FLT3: variants seen among roughly 807,000 people sequenced by gnomAD.
The protein encoded by FLT3 is receptor-type tyrosine-protein kinase FLT3.
FLT3 carries 46 observed loss-of-function variants against 126.6 expected under a neutral mutation model. The ratio of observed to expected loss-of-function variants is 0.36; its 90% confidence interval spans 0.29 to 0.46. The LOEUF (loss-of-function observed/expected upper bound fraction) is 0.46, where lower values mean the gene tolerates loss of function less well. FLT3 is among the 20% of genes least tolerant of loss of function. The pLI, the probability that FLT3 is intolerant of heterozygous loss-of-function variation, is 1.00. For synonymous variants in FLT3, 404 were observed against 434.4 expected (o/e 0.93, Z 0.87); for missense variants, 1,069 against 1,190.3 (o/e 0.90, Z 1.50).
intron 1 of FLT3, among the ~76,000 whole-genome samples, chr13:28,092,545 C>A (rs565251034): frequency 2.3e-4 from 35 of 151,952 alleles, no homozygotes; most frequent in Non-Finnish European, 2.6e-4. Context: ...ATTTTGACTA[C>A]TTGATAATTC....
At chr13:28,084,876 G>A (rs1042726885) in intron 1 of FLT3, among the ~76,000 whole-genome samples, 3 of 151,570 alleles carry the variant, frequency 2.0e-5, no homozygotes, top group East Asian at 1.9e-4. Context: ...TCGGGAGGCT[G>A]AGGCAGGAGA....
intron 1 of FLT3, among the ~76,000 whole-genome samples, chr13:28,085,163 T>TTTAGTA (rs1466838299): frequency 6.6e-6 from 1 of 151,060 alleles, no homozygotes; most frequent in Non-Finnish European, 1.5e-5. Flanking sequence ...GCCAACGTGG[T>TTTAGTA]GAAACCCTGT....
At chr13:28,062,176 G>T in intron 2 of FLT3, 107 bp from the exon 3 acceptor site, 1 of 750,250 alleles carries the variant, frequency 1.3e-6, no homozygotes, top group Non-Finnish European at 2.3e-6. Context: ...CACACTGCAC[G>T]CAACACCCAC....
At chr13:28,067,305 G>A (rs934781910) in intron 2 of FLT3, among the ~76,000 whole-genome samples, 10 of 152,196 alleles carry the variant, frequency 6.6e-5, no homozygotes, top group African/African-American at 2.2e-4. Context: ...TTACAGGCGT[G>A]AGCCACCGTG....
Position 28,008,677 on chromosome 13 carries a change from C to T in FLT3, c.2860-4503G>A, listed in dbSNP as rs577572655. ...TCTTTTTAGTAGAGACGGGGTTTCACCAGGTTGGCCAGGCTGGTCTCGAAC... is the reference window on the plus strand; with the variant it reads ...TCTTTTTAGTAGAGACGGGGTTTCATCAGGTTGGCCAGGCTGGTCTCGAAC... On this transcript the variant is annotated intron_variant, in intron 23 of 23. Coordinates refer to ENST00000241453, the MANE Select transcript of FLT3 (RefSeq NM_004119.3). Among the ~76,000 whole-genome samples the T allele has an allele frequency of 2.2e-4, 33 of 151,690 alleles. No homozygotes were observed. In the East Asian group the frequency reaches 5.9e-3, roughly 27 times the overall value.
chr13:28,075,514 C>T (rs570995048), intron 1 of FLT3, among the ~76,000 whole-genome samples: 13 of 146,966 alleles, frequency 8.8e-5, no homozygotes, highest in Non-Finnish European at 1.6e-4. Context: ...CACTTGAGGT[C>T]GGGAGTTCAA....
At chr13:28,080,429 G>C (rs1247434398) in intron 1 of FLT3, among the ~76,000 whole-genome samples, 1 of 152,100 alleles carries the variant, frequency 6.6e-6, no homozygotes, top group Non-Finnish European at 1.5e-5. Flanking sequence ...ATGAGATTTA[G>C]AGCAAAAAAT....
intron 23 of FLT3, among the ~76,000 whole-genome samples, chr13:28,005,747 C>T (rs1870824409): frequency 6.6e-6 from 1 of 152,164 alleles, no homozygotes; most frequent in African/African-American, 2.4e-5. Context: ...TTTATTTCTA[C>T]TCCTATCAAC....
At position 28,100,486 on chromosome 13, in the gene FLT3, C is replaced by A; in HGVS notation, c.25G>T (p.Gly9Cys). The A allele has an allele frequency of 8.2e-7, 1 of 1,217,058 alleles. No individual in the cohort carries two copies. Among genetic ancestry groups the A allele is most frequent in the East Asian group, 3.3e-5 (1 of 30,392 alleles). 75.4% of individuals were successfully genotyped at this position (1,217,058 alleles called of 1,614,324 possible). A position where few individuals can be genotyped will look rare whatever the true frequency, so the allele number is the denominator to read the frequency against. Reference sequence around the variant, plus strand: ...GCCTTACCGAGCAGCGGCAGCTGGCCGCCGTCGCGCGCCAACGCCGGCATG... The same window carrying A: ...GCCTTACCGAGCAGCGGCAGCTGGCAGCCGTCGCGCGCCAACGCCGGCATG... MPALARDG[G>C]QLPLLVVFSA... The change falls in exon 1 of 24, where the codon GGC becomes TGC. Residue 9 changes from glycine (G) to cysteine (C), a missense_variant. Transcript: ENST00000241453. This position sits in a 1 kb window ranked among gnomAD's most constrained non-coding sequence, Gnocchi z 4.8.
Position 28,035,577 on chromosome 13 carries a change from T to C in FLT3, c.1515A>G (p.Glu505=). ...WVSSSTLNMS[E]AIKGFLVKCC... is the part of the protein sequence containing the mutation. ...ACTTGACCAGGAACCCTTTTATGGC[T>C]TCACTCATGTTTAGAGTACTGCTCG... The change falls in exon 12 of 24, where the codon GAA becomes GAG. Residue 505 remains glutamate (E), a synonymous_variant. Coordinates refer to ENST00000241453, the MANE Select transcript of FLT3 (RefSeq NM_004119.3). The C allele has an allele frequency of 6.2e-7, 1 of 1,614,192 alleles. No individual in the cohort carries two copies. The highest frequency in any genetic ancestry group is 1.1e-5 in the South Asian group (1 of 91,082).
intron 9 of FLT3, among the ~76,000 whole-genome samples, chr13:28,045,609 C>T (rs1167569709): frequency 6.6e-6 from 1 of 152,088 alleles, no homozygotes; most frequent in Non-Finnish European, 1.5e-5. Context: ...CCTGTAATCC[C>T]AGCACTTTGG....
At chr13:28,064,401 T>C (rs548773781) in intron 2 of FLT3, among the ~76,000 whole-genome samples, 1 of 152,112 alleles carries the variant, frequency 6.6e-6, no homozygotes, top group South Asian at 2.1e-4. Context: ...GGTGAGACCC[T>C]GTCTGTACTA....
chr13:28,028,153 G>A (rs372451578), intron 16 of FLT3, 25 bp downstream of exon 16: 18 of 1,072,234 alleles, frequency 1.7e-5, no homozygotes, highest in Non-Finnish European at 2.6e-5. Context: ...TTTTTGATGA[G>A]GTGATTTTCG....
intron 15 of FLT3, 120 bp from the exon 16 acceptor site, chr13:28,028,408 T>C (rs1873005790): frequency 3.2e-6 from 2 of 629,998 alleles, no homozygotes; most frequent in Admixed American, 2.6e-5. Flanking sequence ...TTCAAAATTA[T>C]GAGAGAAGCC....
chr13:28,022,986 G>A (rs996896260), intron 19 of FLT3, among the ~76,000 whole-genome samples: 1 of 152,198 alleles, frequency 6.6e-6, no homozygotes, highest in African/African-American at 2.4e-5. Context: ...CTCATCCCCT[G>A]GGTTGAATGC....
chr13:28,042,943 T>A (rs969363527), intron 9 of FLT3, among the ~76,000 whole-genome samples: 1 of 151,630 alleles, frequency 6.6e-6, no homozygotes, highest in Admixed American at 6.6e-5. Flanking sequence ...TCACTCATTG[T>A]ATGTGACAGC....
chr13:28,058,061 C>T (rs933548269), intron 3 of FLT3, among the ~76,000 whole-genome samples: 2 of 150,226 alleles, frequency 1.3e-5, no homozygotes, highest in Non-Finnish European at 3.0e-5. Context: ...GAAAAAACAA[C>T]AACAAAAGCA....
intron 23 of FLT3, among the ~76,000 whole-genome samples, chr13:28,006,591 A>G (rs1420899317): frequency 6.6e-6 from 1 of 152,080 alleles, no homozygotes; most frequent in African/African-American, 2.4e-5. Flanking sequence ...ATTAACTAAC[A>G]TGTGCTCTTC....
At chr13:28,011,807 T>C (rs1271392607) in intron 23 of FLT3, among the ~76,000 whole-genome samples, 2 of 151,960 alleles carry the variant, frequency 1.3e-5, no homozygotes, top group African/African-American at 4.8e-5. Flanking sequence ...TTCTTTCTTT[T>C]TCTTTTTTGA....
Sources: gnomAD v4.1 joint callset for allele counts (sites outside exome capture counted in the v4.1 genomes callset) on GRCh38, gnomAD v4.1.1 for gene constraint, Gnocchi (gnomAD v3.1) non-coding constraint, MANE v1.5 for transcripts, NCBI Gene and HGNC (gene_info 2026-07-23, HGNC 2026-07-21) for gene names.